The following NFYB variants were observed in gnomAD, a reference collection of about 807,000 sequenced individuals.
NFYB encodes CAAT box DNA-binding protein subunit B.
In NFYB, 13 loss-of-function variants were observed where a neutral mutation model predicts 28.0. The ratio of observed to expected loss-of-function variants is 0.46; its 90% CI spans 0.30 to 0.74. The LOEUF is 0.74. Among genes scored for constraint, NFYB ranks in the 30% least tolerant of loss-of-function variants. The pLI, the probability that NFYB is intolerant of heterozygous loss-of-function variation, is 0.07. For missense variants in NFYB, 142 were observed against 247.6 expected (o/e 0.57, Z 2.86); for synonymous variants, 74 against 75.0 (o/e 0.99, Z 0.07).
At chr12:104,121,550 G>A (rs2030476391) in intron 5 of NFYB, among the ~76,000 whole-genome samples, 2 of 152,126 alleles carry the variant, frequency 1.3e-5, no homozygotes, top group South Asian at 2.1e-4. Flanking sequence ...AGAAAGCAAA[G>A]TATTTACAGA....
At chr12:104,133,268 C>G (rs2136670904) in intron 2 of NFYB, among the ~76,000 whole-genome samples, 1 of 152,306 alleles carries the variant, frequency 6.6e-6, no homozygotes, top group Non-Finnish European at 1.5e-5. Context: ...AAATCCAGGG[C>G]CTCAGATGCC....
At chr12:104,123,535 A>C (rs2030563579) in intron 4 of NFYB, 112 bp from the exon 5 acceptor site, 2 of 753,790 alleles carry the variant, frequency 2.7e-6, no homozygotes, top group South Asian at 1.8e-5. Flanking sequence ...TGACTATTTA[A>C]TCTCTTAAAT....
chr12:104,133,339 T>TA lies in NFYB; in HGVS notation c.6+2108_6+2109insT, dbSNP rs539893201. Among the ~76,000 whole-genome samples, 73 of 152,306 alleles carry TA rather than the reference T, an allele frequency of 4.8e-4. No individual in the cohort carries two copies. The East Asian group carries it at 0.013, about 28-fold the overall frequency. ...TCATACAGTCTTTACACCTACTTCTTTAATTTGTCCCTTTTACATTCTAAG... is the reference window on the plus strand; with the variant it reads ...TCATACAGTCTTTACACCTACTTCTTATAATTTGTCCCTTTTACATTCTAAG... On this transcript the variant is annotated intron_variant, in intron 2 of 7. Coordinates refer to ENST00000240055, the MANE Select transcript of NFYB (RefSeq NM_006166.4).
chr12:104,119,760 C>T lies in NFYB; in HGVS notation c.601G>A (p.Val201Ile), dbSNP rs779575338. ...YTTSYQQISG[V>I]QQIQFS ...GATCATGAAAACTGAATTTGCTGAA[C>T]ACCAGAAATCTAAGATTAGAAAATT... The change falls in exon 8 of 8, where the codon GTT becomes ATT. Residue 201 changes from valine (V) to isoleucine (I), a missense_variant. Val to Ile is a conservative substitution (Grantham distance 29, BLOSUM62 3). Coordinates refer to ENST00000240055, the MANE Select transcript of NFYB (RefSeq NM_006166.4). 1 of 1,600,868 alleles carries T rather than the reference C, an allele frequency of 6.2e-7. No homozygotes were observed. Among genetic ancestry groups the T allele is most frequent in the South Asian group, 1.1e-5 (1 of 90,320 alleles).
intron 5 of NFYB, 71 bp from the exon 6 acceptor site, chr12:104,121,392 T>C (rs967373559): frequency 2.4e-6 from 3 of 1,274,150 alleles, no homozygotes; most frequent in East Asian, 2.3e-5. Context: ...TGCTTACTTA[T>C]TGCCTAAAAT....
chr12:104,135,000 T>C (rs1302935235), intron 2 of NFYB, among the ~76,000 whole-genome samples: 1 of 152,232 alleles, frequency 6.6e-6, no homozygotes, highest in Non-Finnish European at 1.5e-5. Flanking sequence ...CATCAGGCTT[T>C]TGCTTTTGGT....
At chr12:104,137,692 C>T (rs1291089548) in intron 1 of NFYB, 1 of 148,574 alleles carries the variant, frequency 6.7e-6, no homozygotes, top group African/African-American at 2.4e-5. Flanking sequence ...GGAGGGCGCC[C>T]CCGGGGACTC....
chr12:104,121,730 T>C (rs1449127203), intron 5 of NFYB, among the ~76,000 whole-genome samples: 1 of 152,184 alleles, frequency 6.6e-6, no homozygotes, highest in African/African-American at 2.4e-5. Flanking sequence ...TGTAGCAAGC[T>C]GAGAGTTAAA....
At position 104,123,125 on chromosome 12, in the gene NFYB, G is replaced by A. The variant is rs58184444; in HGVS notation, c.429+101C>T. On this transcript the variant is annotated intron_variant, in intron 5 of 7. Coordinates refer to ENST00000240055, the MANE Select transcript of NFYB (RefSeq NM_006166.4). ...CAGGAGGCAGAGGTTGCAGTGAGCC[G>A]AGATCTTGCCACTGTACTCCAGCCT... The A allele has an allele frequency of 1.2e-3, 1,014 of 873,344 alleles. 14 individuals carry two copies. In the African/African-American group the frequency reaches 0.016, roughly 14 times the overall value. 54.1% of individuals were successfully genotyped at this position (873,344 alleles called of 1,614,324 possible). A position where few individuals can be genotyped will look rare whatever the true frequency, so the allele number is the denominator to read the frequency against.
chr12:104,128,654 A>C (rs529470572), intron 2 of NFYB, 137 bp from the exon 3 acceptor site: 5 of 478,950 alleles, frequency 1.0e-5, no homozygotes, highest in East Asian at 7.3e-5. Flanking sequence ...GAGAATTTAT[A>C]TTTCTTTTTT....
At chr12:104,134,088 T>C (rs1227186974) in intron 2 of NFYB, among the ~76,000 whole-genome samples, 2 of 152,204 alleles carry the variant, frequency 1.3e-5, no homozygotes, top group Non-Finnish European at 2.9e-5. Context: ...CATTTATGCT[T>C]GGAATTCTCT....
intron 6 of NFYB, 118 bp from the exon 7 acceptor site, chr12:104,120,597 T>A (rs2030435482): frequency 1.5e-6 from 1 of 685,758 alleles, no homozygotes; most frequent in South Asian, 1.8e-5. Flanking sequence ...AATGATGTAG[T>A]CTTGGACAAA....
In NFYB at chr12:104,118,344, T is replaced by G. The variant is rs918737587; in HGVS notation, c.*1393A>C. On this transcript the variant is annotated 3_prime_UTR_variant, in exon 8 of 8. Coordinates refer to ENST00000240055, the MANE Select transcript of NFYB (RefSeq NM_006166.4). The stretch of plus-strand genomic sequence containing the variant: ...TGTTTTTTAAATGGAGAGTAGGAGA[T>G]GAGGACATTATTAACCTCTGATTAG... The G allele has an allele frequency of 6.6e-6, 1 of 152,608 alleles. No individual in the cohort carries two copies. The highest frequency in any genetic ancestry group is 2.1e-4 in the South Asian group (1 of 4,834). 9.5% of individuals were successfully genotyped at this position (152,608 alleles called of 1,614,324 possible). A position where few individuals can be genotyped will look rare whatever the true frequency, so the allele number is the denominator to read the frequency against.
At chr12:104,121,380 A>C in intron 5 of NFYB, 59 bp from the exon 6 acceptor site, 2 of 1,418,646 alleles carry the variant, frequency 1.4e-6, no homozygotes, top group Non-Finnish European at 2.0e-6. Context: ...TCCAAATGCA[A>C]ATGCTTACTT....
chr12:104,132,264 G>A (rs2030951422), intron 2 of NFYB, among the ~76,000 whole-genome samples: 1 of 152,092 alleles, frequency 6.6e-6, no homozygotes. Context: ...AAGAAAGGTG[G>A]GAAACGAATG....
chr12:104,125,487 CAA>C (rs759904666), intron 4 of NFYB: 46 of 104,202 alleles, frequency 4.4e-4, no homozygotes, highest in Middle Eastern at 6.1e-3. Context: ...AACTCCGTCT[CAA>C]AAAAAAAAAA....
chr12:104,121,187 T>C (rs1015917212), intron 6 of NFYB, 53 bp downstream of exon 6: 54 of 1,397,044 alleles, frequency 3.9e-5, no homozygotes, highest in Non-Finnish European at 5.1e-5. Flanking sequence ...ATTAGATACT[T>C]AGTATGAATC....
chr12:104,129,373 A>ATC (rs987591881), intron 2 of NFYB, among the ~76,000 whole-genome samples: 16 of 152,230 alleles, frequency 1.1e-4, no homozygotes, highest in African/African-American at 3.9e-4. Flanking sequence ...CTCTCCTGCT[A>ATC]AACCCTGATT....
chr12:104,131,617 G>A (rs2030924140), intron 2 of NFYB: 1 of 389,438 alleles, frequency 2.6e-6, no homozygotes, highest in Non-Finnish European at 5.1e-6. Flanking sequence ...ATATAAGAAT[G>A]ATGGAAAAAA....
Sources: gnomAD v4.1 joint callset for allele counts (sites outside exome capture counted in the v4.1 genomes callset) on GRCh38, gnomAD v4.1.1 for gene constraint, MANE v1.5 for transcripts, NCBI Gene and HGNC (gene_info 2026-07-23, HGNC 2026-07-21) for gene names.